The following GRIN2B variants were observed in gnomAD, a reference collection of about 807,000 sequenced individuals.
The protein encoded by GRIN2B is glutamate receptor ionotropic, NMDA 2B.
Under a neutral mutation model 114.5 loss-of-function variants are expected in GRIN2B, and 5 were observed. The ratio of observed to expected loss-of-function variants is 0.04; its 90% CI spans 0.02 to 0.09. The LOEUF (loss-of-function observed/expected upper bound fraction) is 0.09. Ranked by LOEUF, GRIN2B falls within the 10% of genes least tolerant of loss-of-function variation. The pLI is 1.00. For missense variants in GRIN2B, 1,108 were observed against 1,943.5 expected, an observed-to-expected ratio of 0.57 and a Z score of 8.08; for synonymous variants, 787 against 745.1, an observed-to-expected ratio of 1.06 and a Z score of -0.92.
chr12:13,862,728 G>T (rs192533526), intron 3 of GRIN2B, among the ~76,000 whole-genome samples: 465 of 151,772 alleles, frequency 3.1e-3, no homozygotes, highest in Non-Finnish European at 4.4e-3. Flanking sequence ...TTTGAAATTT[G>T]TCCCAAAGGC....
At chr12:13,915,128 T>C (rs1866691890) in intron 2 of GRIN2B, among the ~76,000 whole-genome samples, 1 of 152,256 alleles carries the variant, frequency 6.6e-6, no homozygotes, top group Non-Finnish European at 1.5e-5. Context: ...ATTTTATCTT[T>C]ATGCATTATA....
chr12:13,702,672 C>T (rs574023395), intron 4 of GRIN2B, among the ~76,000 whole-genome samples: 26 of 152,260 alleles, frequency 1.7e-4, no homozygotes, highest in Admixed American at 9.8e-4. Flanking sequence ...AGGGATTCAA[C>T]TCACTTCCAA....
At position 13,815,041 on chromosome 12, in the gene GRIN2B, C is replaced by T. The variant is rs995939289; in HGVS notation, c.411+50757G>A. 3.3e-5 allele frequency among the ~76,000 whole-genome samples: 5 copies of T among 152,124 alleles called. No homozygotes were observed. In the East Asian group the frequency reaches 7.7e-4, roughly 23 times the overall value. ...TTGTCTTAAGATATGTAAAATTCAC[C>T]TTTTATAGGTCAAAAACAGTACAAT... On this transcript the variant is annotated intron_variant, in intron 3 of 13. Coordinates refer to ENST00000609686, the MANE Select transcript of GRIN2B (RefSeq NM_000834.5).
chr12:13,844,312 G>T (rs142256486), intron 3 of GRIN2B, among the ~76,000 whole-genome samples: 103 of 152,114 alleles, frequency 6.8e-4, no homozygotes, highest in East Asian at 2.7e-3. Flanking sequence ...CTCTGTATGG[G>T]CCTATGAATT....
rs753131375 is a variant in GRIN2B, at chr12:13,553,586, G to C, written c.*9197C>G. 17 of 152,178 alleles carry C rather than the reference G, an allele frequency of 1.1e-4. No homozygotes were observed. Among genetic ancestry groups the C allele is most frequent in the Non-Finnish European group, 2.2e-4 (15 of 68,038 alleles). The allele number at this position is 152,178 out of a possible 1,614,324, so 9.4% of individuals were successfully genotyped here. ...AAGTAGCGTGTGGTGAAATACAGTG[G>C]TCCTGTTGGACCACCACCTGGGGTC... On this transcript the variant is annotated 3_prime_UTR_variant, in exon 14 of 14. Transcript: ENST00000609686.
intron 2 of GRIN2B, among the ~76,000 whole-genome samples, chr12:13,906,627 A>G (rs1194518890): frequency 6.6e-6 from 1 of 152,212 alleles, no homozygotes; most frequent in Admixed American, 6.5e-5. Flanking sequence ...TTAAGATTTA[A>G]TCAGACAAAA....
rs1387385444 is a variant in GRIN2B at position 13,537,950 on chromosome 12, A to C, written c.*24833T>G. The C allele has an allele frequency of 6.6e-6, 1 of 152,136 alleles. No individual in the cohort carries two copies. Among genetic ancestry groups the C allele is most frequent in the Non-Finnish European group, 1.5e-5 (1 of 68,024 alleles). The allele number at this position is 152,136 out of a possible 1,614,324, so 9.4% of individuals were successfully genotyped here. The stretch of plus-strand genomic sequence containing the variant: ...ATAATTTTTTTGACAGGCCCTGCAG[A>C]CTCTCAGAACCACTTTTCTGGTGGT... On this transcript the variant is annotated 3_prime_UTR_variant, in exon 14 of 14. Transcript: ENST00000609686.
chr12:13,795,713 A>C (rs559231994), intron 3 of GRIN2B, among the ~76,000 whole-genome samples: 2 of 152,234 alleles, frequency 1.3e-5, no homozygotes, highest in Non-Finnish European at 2.9e-5. Context: ...CTGGATTAAG[A>C]AAATGTGGCG....
chr12:13,868,255 G>A (rs1363433305), intron 2 of GRIN2B, among the ~76,000 whole-genome samples: 1 of 152,110 alleles, frequency 6.6e-6, no homozygotes, highest in Non-Finnish European at 1.5e-5. Flanking sequence ...TGATCTCAGT[G>A]TCTCTGTGAA....
At chr12:13,972,075 G>C (rs976449216) in intron 2 of GRIN2B, among the ~76,000 whole-genome samples, 5 of 152,134 alleles carry the variant, frequency 3.3e-5, no homozygotes, top group Non-Finnish European at 5.9e-5. Context: ...CAATCATCTT[G>C]CCCAGTCATT....
At chr12:13,624,306 TC>T (rs1949548183) in intron 5 of GRIN2B, among the ~76,000 whole-genome samples, 3 of 152,154 alleles carry the variant, frequency 2.0e-5, no homozygotes, top group Admixed American at 2.0e-4. Context: ...CTGCACACCC[TC>T]CACAAAGCCT....
chr12:13,962,593 T>C (rs1867713970), intron 2 of GRIN2B, among the ~76,000 whole-genome samples: 1 of 152,238 alleles, frequency 6.6e-6, no homozygotes, highest in African/African-American at 2.4e-5. Flanking sequence ...TTCCAAAATG[T>C]CTGTTTGCCA....
At chr12:13,948,105 G>A (rs1471613842) in intron 2 of GRIN2B, among the ~76,000 whole-genome samples, 1 of 152,064 alleles carries the variant, frequency 6.6e-6, no homozygotes, top group Non-Finnish European at 1.5e-5. Context: ...AGGATAAGAT[G>A]GTATCTAAAA....
chr12:13,604,290 G>T (rs562309498), intron 10 of GRIN2B, among the ~76,000 whole-genome samples: 1 of 152,200 alleles, frequency 6.6e-6, no homozygotes, highest in Non-Finnish European at 1.5e-5. Flanking sequence ...CAAAATGGAA[G>T]CCTTCCAGTA....
At chr12:13,590,423 G>A (rs1284828263) in intron 10 of GRIN2B, among the ~76,000 whole-genome samples, 3 of 151,940 alleles carry the variant, frequency 2.0e-5, no homozygotes, top group African/African-American at 7.3e-5. Context: ...GGTGTGTGAT[G>A]TTCCCCTCCC....
intron 2 of GRIN2B, among the ~76,000 whole-genome samples, chr12:13,905,222 T>C (rs1042407818): frequency 6.6e-6 from 1 of 152,194 alleles, no homozygotes; most frequent in Non-Finnish European, 1.5e-5. Flanking sequence ...ATTATATGCA[T>C]GGAAGACAGT....
At chr12:13,874,870 C>G (rs1247484578) in intron 2 of GRIN2B, among the ~76,000 whole-genome samples, 1 of 152,078 alleles carries the variant, frequency 6.6e-6, no homozygotes, top group African/African-American at 2.4e-5. Flanking sequence ...GAATAGGGGA[C>G]AGACCACCAA....
intron 5 of GRIN2B, among the ~76,000 whole-genome samples, chr12:13,624,023 G>A (rs1336219223): frequency 6.6e-6 from 1 of 151,980 alleles, no homozygotes; most frequent in Non-Finnish European, 1.5e-5. Flanking sequence ...CATTCTCCTT[G>A]GCCCTTCTCA....
chr12:13,927,801 A>T (rs1474821882), intron 2 of GRIN2B, among the ~76,000 whole-genome samples: 1 of 150,892 alleles, frequency 6.6e-6, no homozygotes, highest in East Asian at 2.0e-4. Flanking sequence ...CAAAAAAAAT[A>T]AAAATTAAAA....
Sources: allele counts gnomAD v4.1 joint callset (sites outside exome capture counted in the v4.1 genomes callset), GRCh38; gene constraint gnomAD v4.1.1; transcripts MANE v1.5; gene names NCBI Gene and HGNC (gene_info 2026-07-23, HGNC 2026-07-21).